The following CAPN14 variants were observed in gnomAD, a reference collection of about 807,000 sequenced individuals.
CAPN14 encodes calpain 14.
CAPN14 carries 94 observed loss-of-function variants against 101.3 expected under a neutral mutation model. The ratio of observed to expected loss-of-function variants is 0.93; its 90% CI spans 0.79 to 1.10. The LOEUF (loss-of-function observed/expected upper bound fraction) is 1.10. Among genes scored for constraint, CAPN14 ranks in the 50% least tolerant of loss-of-function variants. CAPN14 has a pLI of 0.00. For synonymous variants in CAPN14, 338 were observed against 317.9 expected, an observed-to-expected ratio of 1.06 and a Z score of -0.67; for missense variants, 837 against 828.4, an observed-to-expected ratio of 1.01 and a Z score of -0.13.
chr2:31,179,777 C>T (rs1256367374), intron 17 of CAPN14, among the ~76,000 whole-genome samples: 1 of 152,118 alleles, frequency 6.6e-6, no homozygotes, highest in Non-Finnish European at 1.5e-5. Context: ...GAGATGGTAT[C>T]TCATTGTGGT....
intron 5 of CAPN14, among the ~76,000 whole-genome samples, chr2:31,201,112 C>T (rs2365553): frequency 0.58 from 74,043 of 128,508 alleles, 18,389 homozygotes; most frequent in East Asian, 0.7. Flanking sequence ...TGTGCATGTG[C>T]GTGTGTGTGC....
At chr2:31,221,493 T>A (rs117464652), upstream of CAPN14, among the ~76,000 whole-genome samples, 1 of 152,238 alleles carries the variant, frequency 6.6e-6, no homozygotes, top group Non-Finnish European at 1.5e-5. Flanking sequence ...CCTGATATCA[T>A]TTTCTCCAAG....
At chr2:31,232,299 CTTTT>C (rs997913131) in intron 1 of CAPN14, among the ~76,000 whole-genome samples, 1 of 151,990 alleles carries the variant, frequency 6.6e-6, no homozygotes, top group Admixed American at 6.6e-5. Flanking sequence ...CTTATGTCCT[CTTTT>C]TTTTATCACA....
At chr2:31,178,140 G>T (rs1680405581) in intron 18 of CAPN14, among the ~76,000 whole-genome samples, 1 of 152,250 alleles carries the variant, frequency 6.6e-6, no homozygotes, top group Non-Finnish European at 1.5e-5. Context: ...TGACTCAGGA[G>T]ACAAGTGGGA....
intron 8 of CAPN14, among the ~76,000 whole-genome samples, chr2:31,195,312 C>G (rs557342403): frequency 6.6e-6 from 1 of 152,180 alleles, no homozygotes; most frequent in Non-Finnish European, 1.5e-5. Context: ...GCATTCCTAC[C>G]GGACAGAGTT....
intron 21 of CAPN14, among the ~76,000 whole-genome samples, 165 bp from the exon 22 acceptor site, chr2:31,174,872 T>C (rs1167116382): frequency 1.3e-5 from 2 of 152,212 alleles, no homozygotes; most frequent in Non-Finnish European, 2.9e-5. Flanking sequence ...TGAAATATAA[T>C]CAACCTTGAC....
chr2:31,227,224 T>G (rs1187968149), intron 1 of CAPN14, among the ~76,000 whole-genome samples: 1 of 152,200 alleles, frequency 6.6e-6, no homozygotes, highest in African/African-American at 2.4e-5. Flanking sequence ...CGTGTAATAT[T>G]GGATTTCTCA....
chr2:31,207,956 T>C (rs1312568316), intron 1 of CAPN14, among the ~76,000 whole-genome samples: 2 of 152,154 alleles, frequency 1.3e-5, no homozygotes, highest in African/African-American at 4.8e-5. Context: ...TTCTGCCTAA[T>C]GGCTTTTGAA....
intron 21 of CAPN14, 104 bp downstream of exon 21, chr2:31,176,482 CA>C: frequency 1.3e-6 from 1 of 782,586 alleles, no homozygotes; most frequent in Non-Finnish European, 2.1e-6. Flanking sequence ...TCCAATTCAG[CA>C]GAATAAAGTG....
chr2:31,197,152 G>T, intron 8 of CAPN14, 97 bp downstream of exon 8: 1 of 809,630 alleles, frequency 1.2e-6, no homozygotes, highest in Non-Finnish European at 2.1e-6. Flanking sequence ...TCCAGCCTAA[G>T]ACCAAAGAAA....
At chr2:31,233,159 T>C (rs903170966) in intron 1 of CAPN14, among the ~76,000 whole-genome samples, 3 of 152,212 alleles carry the variant, frequency 2.0e-5, no homozygotes, top group African/African-American at 7.2e-5. Flanking sequence ...CCCCTGCACA[T>C]GCTGAGCATT....
chr2:31,177,570 G>A (rs1313875394), intron 19 of CAPN14, among the ~76,000 whole-genome samples, 176 bp downstream of exon 19: 1 of 152,182 alleles, frequency 6.6e-6, no homozygotes. Flanking sequence ...CATCAATGTT[G>A]GCTAGGATCA....
rs1324776433 is a variant in CAPN14 at position 31,189,490 on chromosome 2, G to C, written c.1288-12C>G. ...TGGTCATCATGGTACTGTGGGTAGA[G>C]GACAGAAGAACAGCAAGGGAGGTGA... On this transcript the variant is annotated splice_polypyrimidine_tract_variant and intron_variant, in intron 12 of 21. Coordinates refer to ENST00000403897, the MANE Select transcript of CAPN14 (RefSeq NM_001145122.2). 6.5e-7 allele frequency: 1 copy of C among 1,547,974 alleles called. No individual in the cohort carries two copies. Among genetic ancestry groups the C allele is most frequent in the Non-Finnish European group, 8.7e-7 (1 of 1,144,688 alleles).
At chr2:31,231,918 T>G (rs959595580) in intron 1 of CAPN14, among the ~76,000 whole-genome samples, 3 of 152,208 alleles carry the variant, frequency 2.0e-5, no homozygotes, top group African/African-American at 7.2e-5. Flanking sequence ...TCTTTAATAT[T>G]ACTCCTTAGG....
chr2:31,192,142 A>T, intron 10 of CAPN14, 44 bp from the exon 11 acceptor site: 1 of 1,496,074 alleles, frequency 6.7e-7, no homozygotes. Context: ...CCGGATCCCC[A>T]TGCATCCTGC....
At chr2:31,216,033 A>T (rs1329380758) in intron 1 of CAPN14, among the ~76,000 whole-genome samples, 1 of 152,164 alleles carries the variant, frequency 6.6e-6, no homozygotes, top group African/African-American at 2.4e-5. Context: ...AACTACCCAA[A>T]TGTCCATGAA....
chr2:31,182,826 A>G (rs1204850602), intron 16 of CAPN14, among the ~76,000 whole-genome samples: 1 of 151,890 alleles, frequency 6.6e-6, no homozygotes, highest in Non-Finnish European at 1.5e-5. Context: ...ACAGAATTGG[A>G]AAAAACTACT....
intron 10 of CAPN14, 76 bp from the exon 11 acceptor site, chr2:31,192,174 A>C: frequency 6.9e-7 from 1 of 1,442,078 alleles, no homozygotes; most frequent in Non-Finnish European, 9.2e-7. Flanking sequence ...CTAAGAGGTG[A>C]ACAGTCTGAG....
intron 5 of CAPN14, among the ~76,000 whole-genome samples, chr2:31,201,428 CCTT>C: frequency 6.6e-6 from 1 of 152,178 alleles, no homozygotes; most frequent in Non-Finnish European, 1.5e-5. Flanking sequence ...TGCTGCTACT[CCTT>C]CATCCAGACC....
Sources: gnomAD v4.1 joint callset for allele counts (sites outside exome capture counted in the v4.1 genomes callset) on GRCh38, gnomAD v4.1.1 for gene constraint, MANE v1.5 for transcripts, NCBI Gene and HGNC (gene_info 2026-07-23, HGNC 2026-07-21) for gene names.